SCAPER: variants seen among roughly 807,000 people sequenced by gnomAD.
The protein encoded by SCAPER is S phase cyclin A-associated protein in the endoplasmic reticulum.
In SCAPER, 98 loss-of-function variants were observed where a neutral mutation model predicts 182.2. The observed-to-expected ratio is 0.54, with a 90% CI of 0.46 to 0.64. The LOEUF (loss-of-function observed/expected upper bound fraction) is 0.64. Among genes scored for constraint, SCAPER ranks in the 30% least tolerant of loss-of-function variants. The probability of loss-of-function intolerance (pLI) is 0.00; values close to 1 mark genes in which losing one functional copy is unlikely to be tolerated. For missense variants in SCAPER, 1,432 were observed against 1,690.0 expected (o/e 0.85, Z 2.68); for synonymous variants, 605 against 564.6 (o/e 1.07, Z -1.01).
At chr15:76,710,812 G>A (rs549688749) in intron 17 of SCAPER, among the ~76,000 whole-genome samples, 1 of 152,168 alleles carries the variant, frequency 6.6e-6, no homozygotes, top group South Asian at 2.1e-4. Flanking sequence ...AGAAGTTGGA[G>A]TATTTATACT....
intron 25 of SCAPER, among the ~76,000 whole-genome samples, chr15:76,445,437 T>G (rs2047931654): frequency 6.6e-6 from 1 of 152,180 alleles, no homozygotes; most frequent in African/African-American, 2.4e-5. Context: ...AGACTGTATC[T>G]TATTGAAATC....
chr15:76,618,936 C>T (rs772551554), intron 22 of SCAPER, among the ~76,000 whole-genome samples: 2 of 152,180 alleles, frequency 1.3e-5, no homozygotes, highest in Non-Finnish European at 2.9e-5. Flanking sequence ...CCTCCACCTC[C>T]CGGGTTCGAG....
In SCAPER at chr15:76,351,300, G is replaced by C. The variant is rs367888776; in HGVS notation, c.4048-12C>G. 6.2e-7 allele frequency: 1 copy of C among 1,604,084 alleles called. No individual in the cohort carries two copies. Among genetic ancestry groups the C allele is most frequent in the Non-Finnish European group, 8.5e-7 (1 of 1,175,188 alleles). ...GTCTGTGCCAAATCCTGTATGAGGAGAGAAAAGTGTTTTTCTATCAATGCT... is the reference window on the plus strand; with the variant it reads ...GTCTGTGCCAAATCCTGTATGAGGACAGAAAAGTGTTTTTCTATCAATGCT... On this transcript the variant is annotated splice_polypyrimidine_tract_variant and intron_variant, in intron 30 of 31. Transcript: ENST00000563290.
chr15:76,701,488 GCATT>G (rs2058944209), intron 20 of SCAPER, among the ~76,000 whole-genome samples: 1 of 152,026 alleles, frequency 6.6e-6, no homozygotes, highest in South Asian at 2.1e-4. Context: ...TTATTTTCCT[GCATT>G]ATTAAAATAT....
intron 17 of SCAPER, among the ~76,000 whole-genome samples, chr15:76,712,550 T>C (rs923258044): frequency 5.9e-5 from 9 of 152,204 alleles, no homozygotes; most frequent in African/African-American, 2.2e-4. Flanking sequence ...TTTCACGATA[T>C]TGATTCTTCC....
chr15:76,774,566 G>A (rs1354928530), intron 9 of SCAPER, among the ~76,000 whole-genome samples: 1 of 152,074 alleles, frequency 6.6e-6, no homozygotes, highest in Admixed American at 6.5e-5. Flanking sequence ...AGGATTTAAA[G>A]GTGAATGCTT....
intron 21 of SCAPER, among the ~76,000 whole-genome samples, chr15:76,650,034 A>G (rs1353736325): frequency 6.6e-6 from 1 of 152,206 alleles, no homozygotes; most frequent in East Asian, 1.9e-4. Flanking sequence ...AAAATGTATG[A>G]TAACAGTAAC....
chr15:76,438,328 A>G (rs944525523), intron 25 of SCAPER, among the ~76,000 whole-genome samples: 3 of 151,346 alleles, frequency 2.0e-5, no homozygotes, highest in Admixed American at 6.6e-5. Flanking sequence ...GGCTGTTGGG[A>G]TAATTCTGGG....
intron 4 of SCAPER, among the ~76,000 whole-genome samples, chr15:76,856,296 AAT>A (rs1483188850): frequency 6.6e-6 from 1 of 152,022 alleles, no homozygotes; most frequent in Non-Finnish European, 1.5e-5. Flanking sequence ...AAAGAGGAAA[AAT>A]AACTATTGGG....
chr15:76,830,700 C>A (rs1303011700), intron 5 of SCAPER, among the ~76,000 whole-genome samples: 1 of 151,856 alleles, frequency 6.6e-6, no homozygotes, highest in Admixed American at 6.6e-5. Context: ...ATATCATGAA[C>A]TTTGTTTTAC....
chr15:76,780,869 C>T (rs760104708), intron 8 of SCAPER, among the ~76,000 whole-genome samples: 5 of 152,190 alleles, frequency 3.3e-5, no homozygotes, highest in African/African-American at 4.8e-5. Flanking sequence ...TACACCAAAA[C>T]CCCATCTGTA....
At chr15:76,505,601 C>A (rs1165820236) in intron 23 of SCAPER, among the ~76,000 whole-genome samples, 2 of 152,112 alleles carry the variant, frequency 1.3e-5, no homozygotes, top group Admixed American at 1.3e-4. Flanking sequence ...GTAACAAATG[C>A]TGGTGAGGAT....
At chr15:76,693,578 G>A (rs914139488) in intron 20 of SCAPER, among the ~76,000 whole-genome samples, 5 of 152,070 alleles carry the variant, frequency 3.3e-5, no homozygotes, top group African/African-American at 1.2e-4. Context: ...AGGTGAAAGA[G>A]GCCCATGTGT....
At chr15:76,798,927 G>C (rs983625727) in intron 7 of SCAPER, among the ~76,000 whole-genome samples, 1 of 151,778 alleles carries the variant, frequency 6.6e-6, no homozygotes, top group East Asian at 1.9e-4. Flanking sequence ...ATAGTAACTC[G>C]AATCTGTATG....
At chr15:76,719,890 A>AAGCATTCTAAT (rs1409449414) in intron 17 of SCAPER, among the ~76,000 whole-genome samples, 1 of 151,968 alleles carries the variant, frequency 6.6e-6, no homozygotes, top group African/African-American at 2.4e-5. Flanking sequence ...AACAGAATTT[A>AAGCATTCTAAT]TTGTGGTTGC....
At chr15:76,649,952 T>C (rs529454054) in intron 21 of SCAPER, among the ~76,000 whole-genome samples, 4 of 152,272 alleles carry the variant, frequency 2.6e-5, no homozygotes, top group Admixed American at 1.3e-4. Context: ...ACAAATGGTT[T>C]CTTAAATTAT....
intron 27 of SCAPER, among the ~76,000 whole-genome samples, chr15:76,396,656 A>G (rs1410328691): frequency 3.9e-5 from 6 of 152,164 alleles, no homozygotes; most frequent in African/African-American, 1.4e-4. Flanking sequence ...ATTTCTGGAC[A>G]TTGATTTTGT....
At chr15:76,471,976 A>G in intron 24 of SCAPER, 1 of 192,310 alleles carries the variant, frequency 5.2e-6, no homozygotes, top group Non-Finnish European at 1.1e-5. Context: ...AATATGCTGA[A>G]AAAACTATAA....
In SCAPER at chr15:76,626,075, G is replaced by T. The variant is rs540616859; in HGVS notation, c.2646-4246C>A. Among the ~76,000 whole-genome samples, 153 of 152,120 alleles carry T rather than the reference G, an allele frequency of 1.0e-3. 4 individuals carry two copies. The South Asian group carries it at 0.031, about 31-fold the overall frequency. On this transcript the variant is annotated intron_variant, in intron 21 of 31. Transcript: ENST00000563290. The stretch of plus-strand genomic sequence containing the variant: ...GTTGGGCCGCATTCAAAGCCATCCT[G>T]GGCCACATGCGGCCTGCAGGATGTG...
Sources: gnomAD v4.1 joint callset for allele counts (sites outside exome capture counted in the v4.1 genomes callset) on GRCh38, gnomAD v4.1.1 for gene constraint, MANE v1.5 for transcripts, NCBI Gene and HGNC (gene_info 2026-07-23, HGNC 2026-07-21) for gene names.